Variants in ZNF568 observed in about 807,000 individuals in gnomAD.
ZNF568 encodes zinc finger protein 568.
Under a neutral mutation model 18.1 loss-of-function variants are expected in ZNF568, and 11 were observed. The ratio of observed to expected loss-of-function variants is 0.61; its 90% CI spans 0.38 to 1.00. ZNF568 has a LOEUF of 1.00. Among genes scored for constraint, ZNF568 ranks in the 50% least tolerant of loss-of-function variants. The pLI, the probability that ZNF568 is intolerant of heterozygous loss-of-function variation, is 0.01. For missense variants in ZNF568, 639 were observed against 768.2 expected, an observed-to-expected ratio of 0.83 and a Z score of 1.99; for synonymous variants, 213 against 246.6, an observed-to-expected ratio of 0.86 and a Z score of 1.28.
At chr19:36,962,277 G>GTTATTTTTTTTTTTTTTTTTTTT (rs1555736279) in intron 6 of ZNF568, among the ~76,000 whole-genome samples, 1 of 45,266 alleles carries the variant, frequency 2.2e-5, no homozygotes. Flanking sequence ...GTGTTGCAGT[G>GTTATTTTTTTTTTTTTTTTTTTT]TTTTTTTTTT....
At chr19:36,997,253 A>G (rs2074484638), downstream of ZNF568, 2 of 1,607,218 alleles carry the variant, frequency 1.2e-6, no homozygotes, top group East Asian at 2.2e-5. Context: ...TCTGATTCAC[A>G]TCTTATTCGA....
chr19:36,963,659 C>G (rs914891970), intron 6 of ZNF568, among the ~76,000 whole-genome samples: 7 of 151,870 alleles, frequency 4.6e-5, no homozygotes, highest in Non-Finnish European at 1.0e-4. Context: ...TTGGTAATAT[C>G]TTTTCATGCA....
rs373774285 is a variant in ZNF568 at position 36,996,297 on chromosome 19, T to C, written c.230-20T>C. ...TGCAATGTGAAAATACCTCCTATTT[T>C]CTTTCTTATTATTTTGCAGATTGGG... On this transcript the variant is annotated intron_variant, in intron 4 of 4. Transcript: ENST00000433993. 7.3e-6 allele frequency: 11 copies of C among 1,497,794 alleles called. No homozygotes were observed. In the African/African-American group the frequency reaches 1.1e-4, roughly 15 times the overall value. 92.8% of individuals were successfully genotyped at this position (1,497,794 alleles called of 1,614,324 possible). A position where few individuals can be genotyped will look rare whatever the true frequency, so the allele number is the denominator to read the frequency against.
intron 6 of ZNF568, among the ~76,000 whole-genome samples, chr19:36,948,658 ATTTT>A (rs4069585): frequency 0.029 from 2,386 of 83,544 alleles, 43 homozygotes; most frequent in East Asian, 0.081. Flanking sequence ...TTTGTTGTTG[ATTTT>A]TTTTTTTTTT....
intron 2 of ZNF568, among the ~76,000 whole-genome samples, chr19:36,920,837 AAGTGCCCTTTACC>A (rs2146265002): frequency 6.6e-6 from 1 of 152,220 alleles, no homozygotes; most frequent in South Asian, 2.1e-4. Flanking sequence ...CATTCATGGT[AAGTGCCCTTTACC>A]AGTGTACCAT....
In ZNF568 at chr19:36,947,516, T is replaced by C. The variant is rs80139589; in HGVS notation, c.359-1996T>C. Reference sequence around the variant, plus strand: ...TGCAGTTATGTCTAGGAAATGTAGTTTTAACTGCCTCAGCCTTTACGGGAT... The same window carrying C: ...TGCAGTTATGTCTAGGAAATGTAGTCTTAACTGCCTCAGCCTTTACGGGAT... On this transcript the variant is annotated intron_variant, in intron 6 of 6. Transcript: ENST00000333987. Among the ~76,000 whole-genome samples, 1,333 of 152,264 alleles carry C rather than the reference T, an allele frequency of 8.8e-3. 12 individuals are homozygous for C. The highest frequency in any genetic ancestry group is 0.014 in the Non-Finnish European group (981 of 68,016).
intron 2 of ZNF568, among the ~76,000 whole-genome samples, chr19:36,986,970 T>TTAA (rs1490928789): frequency 1.3e-5 from 2 of 152,192 alleles, no homozygotes; most frequent in Non-Finnish European, 2.9e-5. Context: ...CTTGGTTATT[T>TTAA]CTCAGTAGAT....
chr19:36,965,590 A>AT (rs959978178), intron 6 of ZNF568, among the ~76,000 whole-genome samples: 42 of 151,210 alleles, frequency 2.8e-4, no homozygotes, highest in African/African-American at 1.0e-3. Context: ...TCTGGAATAG[A>AT]TTTTTTTTCT....
intron 4 of ZNF568, among the ~76,000 whole-genome samples, chr19:36,936,082 A>C (rs2073784872): frequency 6.6e-6 from 1 of 151,962 alleles, no homozygotes; most frequent in South Asian, 2.1e-4. Context: ...TTCCAGTATA[A>C]AATTATAATT....
chr19:36,944,516 A>G (rs991799116), intron 6 of ZNF568, among the ~76,000 whole-genome samples: 1 of 152,148 alleles, frequency 6.6e-6, no homozygotes, highest in Non-Finnish European at 1.5e-5. Context: ...TCCTCATTAC[A>G]TGTTTATTTC....
chr19:36,984,590 T>C (rs1437980427), downstream of ZNF568, among the ~76,000 whole-genome samples: 1 of 152,154 alleles, frequency 6.6e-6, no homozygotes, highest in Non-Finnish European at 1.5e-5. Flanking sequence ...TACGACTTTC[T>C]TGGTTCACCA....
intron 6 of ZNF568, 87 bp from the exon 7 acceptor site, chr19:36,949,425 A>G (rs1156713511): frequency 9.6e-6 from 13 of 1,349,034 alleles, no homozygotes; most frequent in Non-Finnish European, 1.3e-5. Context: ...CAAAGATTAA[A>G]CCCCACATTA....
At position 36,949,550 on chromosome 19, in the gene ZNF568, GA is replaced by G; in HGVS notation, c.400del (p.Thr134HisfsTer3). 1.2e-6 allele frequency: 2 copies of G among 1,603,664 alleles called. No individual in the cohort carries two copies. Among genetic ancestry groups the G allele is most frequent in the Non-Finnish European group, 1.7e-6 (2 of 1,176,148 alleles). On this transcript the variant is annotated frameshift_variant, in exon 7 of 7. Coordinates refer to ENST00000333987, the MANE Select transcript of ZNF568 (RefSeq NM_198539.4). LOFTEE classifies it low-confidence loss of function (END_TRUNC). ...TGATGAACAGATCAAGAAGCAACAG[GA>G]AACACTTGTGAGGAAAGTCACATCC... ...EVDEQIKKQQ[E>X]TLVRKVTSIS...
intron 4 of ZNF568, among the ~76,000 whole-genome samples, chr19:36,994,699 T>G (rs1011970200): frequency 1.3e-5 from 2 of 152,094 alleles, no homozygotes; most frequent in Non-Finnish European, 2.9e-5. Flanking sequence ...TGAGATGGAG[T>G]CTAGTGTTGT....
rs2074030307 is a variant in ZNF568, at chr19:36,949,981, A to C, written c.828A>C (p.Lys276Asn). 6.2e-7 allele frequency: 1 copy of C among 1,613,794 alleles called. No homozygotes were observed. Among genetic ancestry groups the C allele is most frequent in the African/African-American group, 1.3e-5 (1 of 74,906 alleles). Residue 276 changes from lysine to asparagine, a missense_variant, in exon 7 of 7, where the codon AAA becomes AAC. Lys to Asn is a moderately conservative substitution (Grantham distance 94). Transcript: ENST00000333987. ...ATCAGAAAATTCATACTGGGGAAAAACCGTATAAGTGTAATGAATGTGGAA... is the reference window on the plus strand; with the variant it reads ...ATCAGAAAATTCATACTGGGGAAAACCCGTATAAGTGTAATGAATGTGGAA... ...ITHQKIHTGE[K>N]PYKCNECGKA... is the part of the protein sequence containing the mutation.
At position 36,949,957 on chromosome 19, in the gene ZNF568, T is replaced by G; in HGVS notation, c.804T>G (p.His268Gln). Reference protein sequence around the residue: ...AFSRKENLITHQKIHTGEKPY... With the variant: ...AFSRKENLITQQKIHTGEKPY... ...GTAGGAAGGAAAATCTTATTACACATCAGAAAATTCATACTGGGGAAAAAC... is the reference window on the plus strand; with the variant it reads ...GTAGGAAGGAAAATCTTATTACACAGCAGAAAATTCATACTGGGGAAAAAC... Residue 268 changes from histidine (H) to glutamine (Q), a missense_variant, in exon 7 of 7, where the codon CAT (histidine) becomes CAG (glutamine). Physicochemically the swap from His to Gln is conservative, Grantham distance 24 (BLOSUM62 0). Transcript: ENST00000333987. The G allele has an allele frequency of 6.2e-7, 1 of 1,613,766 alleles. No homozygotes were observed. Among genetic ancestry groups the G allele is most frequent in the Non-Finnish European group, 8.5e-7 (1 of 1,179,920 alleles).
intron 6 of ZNF568, among the ~76,000 whole-genome samples, chr19:36,943,455 C>G (rs1183446398): frequency 6.6e-6 from 1 of 152,074 alleles, no homozygotes; most frequent in African/African-American, 2.4e-5. Flanking sequence ...TCTTCAAAAG[C>G]TTTTAGAATA....
intron 2 of ZNF568, among the ~76,000 whole-genome samples, chr19:36,989,682 G>T (rs957369686): frequency 2.0e-5 from 3 of 152,162 alleles, no homozygotes; most frequent in Non-Finnish European, 4.4e-5. Context: ...AGCCTCCCAA[G>T]TAGCTGGGAC....
In ZNF568 at chr19:36,974,341, G is replaced by A. The variant is rs73621723; in HGVS notation, c.359-79G>A. 2.1e-3 allele frequency: 2,629 copies of A among 1,265,808 alleles called. 43 individuals carry two copies. The African/African-American group carries it at 0.034, about 16-fold the overall frequency. The allele number at this position is 1,265,808 out of a possible 1,614,324, so 78.4% of individuals were successfully genotyped here. On this transcript the variant is annotated intron_variant, in intron 6 of 7. Coordinates refer to the ZNF568 transcript ENST00000427117. ...GTCTCCCTTTCAGTGCCTGGGGTGG[G>A]GCAGGAGTTTGGCCTCCCAAGGGGT...
Sources: gnomAD v4.1 joint callset for allele counts (sites outside exome capture counted in the v4.1 genomes callset) on GRCh38, gnomAD v4.1.1 for gene constraint, MANE v1.5 for transcripts, NCBI Gene and HGNC (gene_info 2026-07-23, HGNC 2026-07-21) for gene names.